The following PTRH2 variants were observed in gnomAD, a reference collection of about 807,000 sequenced individuals.
PTRH2 encodes the protein peptidyl-tRNA hydrolase 2, mitochondrial.
Under a neutral mutation model 12.3 loss-of-function variants are expected in PTRH2, and 10 were observed. That is an observed-to-expected ratio of 0.81 (90% confidence interval 0.50 to 1.38). PTRH2 has a LOEUF of 1.38. PTRH2 is among the 40% of genes most tolerant of loss of function. The pLI is 0.00. For missense variants in PTRH2, 176 were observed against 214.1 expected (o/e 0.82, Z 1.11); for synonymous variants, 73 against 77.4 (o/e 0.94, Z 0.30).
intron 1 of PTRH2, among the ~76,000 whole-genome samples, chr17:59,704,956 T>A (rs2033614321): frequency 6.6e-6 from 1 of 151,984 alleles, no homozygotes; most frequent in African/African-American, 2.4e-5. Context: ...CCTGGCTAAT[T>A]TTTGTATTTT....
At chr17:59,702,343 A>C (rs1015311234) in intron 1 of PTRH2, among the ~76,000 whole-genome samples, 1 of 152,208 alleles carries the variant, frequency 6.6e-6, no homozygotes, top group East Asian at 1.9e-4. Context: ...TTAGATTCTC[A>C]TAAGAAGTAC....
At chr17:59,706,249 A>G (rs1364628209) in intron 1 of PTRH2, among the ~76,000 whole-genome samples, 1 of 152,202 alleles carries the variant, frequency 6.6e-6, no homozygotes, top group Non-Finnish European at 1.5e-5. Flanking sequence ...TACATCCTAT[A>G]AAATCTTCTT....
At chr17:59,704,407 G>T (rs1016195711) in intron 1 of PTRH2, among the ~76,000 whole-genome samples, 1 of 152,152 alleles carries the variant, frequency 6.6e-6, no homozygotes, top group Non-Finnish European at 1.5e-5. Flanking sequence ...GAAAAAAAAG[G>T]ATATATCAGC....
Position 59,697,830 on chromosome 17 carries a change from G to C in PTRH2, c.149C>G (p.Thr50Arg), listed in dbSNP as rs1260125755. Residue 50 changes from threonine (T) to arginine (R), a missense_variant, in exon 2 of 2, where the codon ACA (threonine) becomes AGA (arginine). Physicochemically the swap from Thr to Arg is moderately conservative, Grantham distance 71. Coordinates refer to ENST00000393038, the MANE Select transcript of PTRH2 (RefSeq NM_016077.5). ...LPKSKTSKTH[T>R]DTESEASILG... ...GATGCTTGCTTCACTTTCAGTATCTGTGTGTGTCTTGCTCGTCTTGCTTTT... is the reference window on the plus strand; with the variant it reads ...GATGCTTGCTTCACTTTCAGTATCTCTGTGTGTCTTGCTCGTCTTGCTTTT... 2 of 1,614,036 alleles carry C rather than the reference G, an allele frequency of 1.2e-6. No homozygotes were observed. Among genetic ancestry groups the C allele is most frequent in the East Asian group, 4.5e-5 (2 of 44,906 alleles).
Sources: gnomAD v4.1 joint callset for allele counts (sites outside exome capture counted in the v4.1 genomes callset) on GRCh38, gnomAD v4.1.1 for gene constraint, MANE v1.5 for transcripts, NCBI Gene and HGNC (gene_info 2026-07-23, HGNC 2026-07-21) for gene names.